The following COL4A6 variants were observed in gnomAD, a reference collection of about 807,000 sequenced individuals.
The protein encoded by COL4A6 is collagen type IV alpha 6 chain.
COL4A6 carries 59 observed loss-of-function variants against 126.7 expected under a neutral mutation model. The ratio of observed to expected loss-of-function variants is 0.47; its 90% CI spans 0.38 to 0.58. The LOEUF (loss-of-function observed/expected upper bound fraction) is 0.58. Ranked by LOEUF, COL4A6 falls within the 20% of genes least tolerant of loss-of-function variation. COL4A6 has a pLI of 0.00. For synonymous variants in COL4A6, 547 were observed against 496.6 expected (o/e 1.10, Z -1.35); for missense variants, 1,285 against 1,337.3 (o/e 0.96, Z 0.61).
intron 2 of COL4A6, among the ~76,000 whole-genome samples, chrX:108,368,635 T>G (rs183352865): frequency 3.7e-4 from 42 of 112,480 alleles, no homozygotes; most frequent in Middle Eastern, 4.6e-3. Flanking sequence ...TTTTAGACTT[T>G]TGAATATTTT....
In COL4A6 at chrX:108,162,876, C is replaced by T; in HGVS notation, c.4216+16G>A. 1 of 1,133,815 alleles carries T rather than the reference C, an allele frequency of 8.8e-7. No homozygotes were observed. The highest frequency in any genetic ancestry group is 1.2e-6 in the Non-Finnish European group (1 of 860,437). 93.4% of individuals were successfully genotyped at this position (1,133,815 alleles called of 1,213,427 possible). On this transcript the variant is annotated intron_variant, in intron 41 of 44. Transcript: ENST00000334504. The stretch of plus-strand genomic sequence containing the variant: ...CAACTCCCCAACAAATCTCCTTTTT[C>T]TGGCACCCTCCTCACCTTGTAGGCC...
At chrX:108,158,418 TGTAAAGGAAGA>T (rs1423197773) in intron 44 of COL4A6, among the ~76,000 whole-genome samples, 1 of 112,613 alleles carries the variant, frequency 8.9e-6, no homozygotes, top group Non-Finnish European at 1.9e-5. Flanking sequence ...AGAATTAATG[TGTAAAGGAAGA>T]GTAAAGAGAT....
intron 2 of COL4A6, among the ~76,000 whole-genome samples, chrX:108,368,628 T>G (rs1329305875): frequency 3.6e-5 from 4 of 112,379 alleles, no homozygotes; most frequent in Non-Finnish European, 7.5e-5. Context: ...TCTAATATTT[T>G]AGACTTTTGA....
intron 3 of COL4A6, among the ~76,000 whole-genome samples, chrX:108,275,924 A>C (rs1164662485): frequency 8.9e-6 from 1 of 112,880 alleles, no homozygotes; most frequent in East Asian, 2.8e-4. Flanking sequence ...AAAGTCACAG[A>C]CACTAAACAG....
At chrX:108,297,679 A>G (rs1420360845) in intron 3 of COL4A6, among the ~76,000 whole-genome samples, 3 of 111,428 alleles carry the variant, frequency 2.7e-5, no homozygotes. Flanking sequence ...CCTTACTTGT[A>G]TTCCCCAAAT....
intron 2 of COL4A6, among the ~76,000 whole-genome samples, chrX:108,352,063 C>G (rs1005692975): frequency 8.9e-6 from 1 of 112,782 alleles, no homozygotes; most frequent in Admixed American, 9.3e-5. Flanking sequence ...GAATCTTGGT[C>G]AGAATACTCT....
At chrX:108,249,000 C>T (rs1051117172) in intron 3 of COL4A6, among the ~76,000 whole-genome samples, 1 of 109,597 alleles carries the variant, frequency 9.1e-6, no homozygotes, top group African/African-American at 3.3e-5. Flanking sequence ...TTACCACCCC[C>T]ACATGGGACC....
chrX:108,308,597 T>C (rs897744902), intron 3 of COL4A6, among the ~76,000 whole-genome samples: 2 of 112,447 alleles, frequency 1.8e-5, no homozygotes, highest in African/African-American at 6.5e-5. Flanking sequence ...TTCCAGGTAA[T>C]ATGTGAAAAG....
At chrX:108,202,639 T>C (rs1012767051) in intron 13 of COL4A6, among the ~76,000 whole-genome samples, 1 of 111,928 alleles carries the variant, frequency 8.9e-6, no homozygotes, top group Admixed American at 9.5e-5. Flanking sequence ...AAGAAACTTA[T>C]CCAGGTTCAC....
chrX:108,281,230 G>A (rs2037813182), intron 3 of COL4A6, among the ~76,000 whole-genome samples: 1 of 94,147 alleles, frequency 1.1e-5, no homozygotes, highest in Non-Finnish European at 2.1e-5. Context: ...CGACATGATT[G>A]TATATCTAGA....
chrX:108,236,054 C>T (rs1189502119), intron 3 of COL4A6, among the ~76,000 whole-genome samples: 3 of 111,262 alleles, frequency 2.7e-5, no homozygotes, highest in East Asian at 5.7e-4. Context: ...GCTTTTGAAT[C>T]GGGTGCTGGC....
At chrX:108,177,309 A>G (rs1482637616) in intron 27 of COL4A6, among the ~76,000 whole-genome samples, 1 of 112,203 alleles carries the variant, frequency 8.9e-6, no homozygotes, top group Non-Finnish European at 1.9e-5. Context: ...TGTGGTTTAC[A>G]CTTTAGCCCC....
At chrX:108,252,554 A>C (rs2036876663) in intron 3 of COL4A6, among the ~76,000 whole-genome samples, 1 of 111,719 alleles carries the variant, frequency 9.0e-6, no homozygotes, top group Non-Finnish European at 1.9e-5. Context: ...TCAGGACCTG[A>C]TAGTGTCACT....
At chrX:108,171,612 C>T (rs1397447128) in intron 32 of COL4A6, 151 bp from the exon 33 acceptor site, 1 of 467,985 alleles carries the variant, frequency 2.1e-6, no homozygotes, top group Non-Finnish European at 3.6e-6. Flanking sequence ...AAGTGATGAA[C>T]CACCATCCAG....
chrX:108,297,138 G>A (rs2038349626), intron 3 of COL4A6, among the ~76,000 whole-genome samples: 2 of 111,784 alleles, frequency 1.8e-5, no homozygotes, highest in African/African-American at 6.5e-5. Flanking sequence ...AAGGGGAACA[G>A]GGAAATAGGA....
At chrX:108,244,824 C>T (rs1266174838) in intron 3 of COL4A6, among the ~76,000 whole-genome samples, 6 of 111,603 alleles carry the variant, frequency 5.4e-5, no homozygotes, top group Non-Finnish European at 1.1e-4. Context: ...CCCAGGGACT[C>T]ATCCAAAAAA....
chrX:108,371,603 T>G (rs992540866), intron 2 of COL4A6, among the ~76,000 whole-genome samples: 17 of 105,962 alleles, frequency 1.6e-4, no homozygotes, highest in African/African-American at 5.5e-4. Flanking sequence ...AAAACTCTTT[T>G]AAATATTAGC....
At chrX:108,409,879 T>G (rs2041291830) in intron 2 of COL4A6, among the ~76,000 whole-genome samples, 1 of 111,510 alleles carries the variant, frequency 9.0e-6, no homozygotes, top group African/African-American at 3.3e-5. Flanking sequence ...TCTCCAACAA[T>G]GTCTTCCCTA....
chrX:108,358,844 T>C (rs983315884), intron 2 of COL4A6, among the ~76,000 whole-genome samples: 5 of 111,898 alleles, frequency 4.5e-5, no homozygotes, highest in African/African-American at 1.6e-4. Flanking sequence ...GCTGGCAACA[T>C]AACATAAGGT....
Sources: allele counts gnomAD v4.1 joint callset (sites outside exome capture counted in the v4.1 genomes callset), GRCh38; gene constraint gnomAD v4.1.1; transcripts MANE v1.5; gene names NCBI Gene and HGNC (gene_info 2026-07-23, HGNC 2026-07-21).